ANKRD55: variants seen among roughly 807,000 people sequenced by gnomAD.
The protein encoded by ANKRD55 is ankyrin repeat domain-containing protein 55.
In ANKRD55, 41 loss-of-function variants were observed where a neutral mutation model predicts 60.6. The observed-to-expected ratio is 0.68, with a 90% CI of 0.53 to 0.88. The LOEUF (loss-of-function observed/expected upper bound fraction) is 0.88, where lower values mean the gene tolerates loss of function less well. ANKRD55 is among the 40% of genes least tolerant of loss of function. The probability of loss-of-function intolerance (pLI) is 0.00; values close to 1 mark genes in which losing one functional copy is unlikely to be tolerated. For synonymous variants in ANKRD55, 264 were observed against 290.3 expected (o/e 0.91, Z 0.92); for missense variants, 732 against 767.6 (o/e 0.95, Z 0.55).
chr5:56,176,549 A>T (rs1007052736), intron 3 of ANKRD55, among the ~76,000 whole-genome samples: 4 of 152,210 alleles, frequency 2.6e-5, no homozygotes, highest in African/African-American at 9.6e-5. Flanking sequence ...TGACTGTGTC[A>T]GGGATCAGCA....
chr5:56,158,656 C>T (rs376372097), intron 6 of ANKRD55, among the ~76,000 whole-genome samples: 1 of 152,074 alleles, frequency 6.6e-6, no homozygotes, highest in East Asian at 1.9e-4. Flanking sequence ...GCAGGTAACC[C>T]GGAATTATTA....
intron 5 of ANKRD55, among the ~76,000 whole-genome samples, chr5:56,169,020 C>T (rs1402418976): frequency 1.3e-5 from 2 of 152,198 alleles, no homozygotes; most frequent in East Asian, 3.9e-4. Flanking sequence ...CCACATCTGG[C>T]TAATTTTTGT....
intron 3 of ANKRD55, among the ~76,000 whole-genome samples, chr5:56,178,974 G>A (rs1391094909): frequency 6.7e-6 from 1 of 148,980 alleles, no homozygotes. Flanking sequence ...CATTTTTGGG[G>A]ATAAATGTGG....
Position 56,116,742 on chromosome 5 carries a change from A to C in ANKRD55, c.838T>G (p.Cys280Gly), listed in dbSNP as rs983787813. Residue 280 changes from cysteine (C) to glycine (G), a missense_variant, in exon 9 of 12, where the codon TGT becomes GGT. By Grantham distance (159) the Cys-to-Gly change is radical. This residue lies in a region of ANKRD55 where 597 missense variants were observed against 607.5 expected (regional missense o/e 0.98). Coordinates refer to ENST00000341048, the MANE Select transcript of ANKRD55 (RefSeq NM_024669.3). ...HWAAAAGKAE[C>G]VQSLLELGMD... ...CCCAACTCCAGCAGTGACTGGACAC[A>C]TTCGGCCTTCCCTGCAGCTGCAGCC... The C allele has an allele frequency of 8.1e-6, 13 of 1,613,582 alleles. No homozygotes were observed. Among genetic ancestry groups the C allele is most frequent in the Non-Finnish European group, 1.1e-5 (13 of 1,179,846 alleles).
chr5:56,228,213 C>T (rs901905168), intron 2 of ANKRD55, among the ~76,000 whole-genome samples: 5 of 152,072 alleles, frequency 3.3e-5, no homozygotes, highest in African/African-American at 1.2e-4. Context: ...AGGAGTTTAT[C>T]CTGGATTATC....
intron 8 of ANKRD55, among the ~76,000 whole-genome samples, chr5:56,117,527 C>T (rs1756917460): frequency 6.6e-6 from 1 of 152,128 alleles, no homozygotes; most frequent in Non-Finnish European, 1.5e-5. Context: ...GGTCTTGGCT[C>T]ACTGCAACCT....
At chr5:56,182,269 A>C (rs538685165) in intron 3 of ANKRD55, among the ~76,000 whole-genome samples, 3 of 152,096 alleles carry the variant, frequency 2.0e-5, no homozygotes, top group Non-Finnish European at 4.4e-5. Flanking sequence ...CAATTTCCTA[A>C]TTATAGGGCT....
chr5:56,222,642 G>A lies in ANKRD55; in HGVS notation c.58+10214C>T, dbSNP rs144401877. Among the ~76,000 whole-genome samples, 496 of 152,232 alleles carry A rather than the reference G, an allele frequency of 3.3e-3. 5 individuals are homozygous for A. Among genetic ancestry groups the A allele is most frequent in the Middle Eastern group, 0.027 (8 of 292 alleles). ...ACGAATGGCTAACTGAATAAATAGC[G>A]TAGAGAAGACCTTAAATGACTTGAT... On this transcript the variant is annotated intron_variant, in intron 2 of 11. Transcript: ENST00000341048.
At chr5:56,152,131 T>C (rs1268693701) in intron 6 of ANKRD55, among the ~76,000 whole-genome samples, 2 of 25,502 alleles carry the variant, frequency 7.8e-5, no homozygotes, top group Non-Finnish European at 1.9e-4. Context: ...TTTTTTTTTT[T>C]AGATGTTCGG....
At chr5:56,138,304 T>A (rs1015237600) in intron 7 of ANKRD55, among the ~76,000 whole-genome samples, 1 of 152,038 alleles carries the variant, frequency 6.6e-6, no homozygotes, top group Admixed American at 6.6e-5. Flanking sequence ...ATTTTTGTAT[T>A]TTTAGTAGAG....
intron 2 of ANKRD55, among the ~76,000 whole-genome samples, chr5:56,223,837 CA>C (rs1200895368): frequency 2.6e-5 from 4 of 152,168 alleles, no homozygotes. Flanking sequence ...ATTCATAAAG[CA>C]AGTCCTTAGA....
At chr5:56,112,420 A>G (rs184849310) in intron 9 of ANKRD55, among the ~76,000 whole-genome samples, 1 of 146,944 alleles carries the variant, frequency 6.8e-6, no homozygotes, top group East Asian at 2.1e-4. Flanking sequence ...TAATTCCAGA[A>G]CTTTGGGAGG....
At chr5:56,173,394 C>G (rs1159122886) in intron 4 of ANKRD55, among the ~76,000 whole-genome samples, 1 of 151,164 alleles carries the variant, frequency 6.6e-6, no homozygotes, top group Non-Finnish European at 1.5e-5. Context: ...GACGGGGTTT[C>G]ACCATGTTGC....
chr5:56,192,802 G>T (rs1178977086), intron 2 of ANKRD55: 2 of 889,536 alleles, frequency 2.2e-6, no homozygotes, highest in Admixed American at 2.3e-5. Context: ...ACCTCTATTA[G>T]CAAGTTAAAA....
At chr5:56,183,233 A>G (rs1390420872) in intron 3 of ANKRD55, among the ~76,000 whole-genome samples, 2 of 152,228 alleles carry the variant, frequency 1.3e-5, no homozygotes, top group Non-Finnish European at 2.9e-5. Context: ...TGCCTTTTAC[A>G]GTTACATTTT....
At chr5:56,120,760 G>A (rs905498348) in intron 8 of ANKRD55, among the ~76,000 whole-genome samples, 4 of 152,088 alleles carry the variant, frequency 2.6e-5, no homozygotes, top group Admixed American at 2.0e-4. Context: ...TTAGCTGGGC[G>A]TAGTGGCACA....
intron 7 of ANKRD55, chr5:56,137,475 A>T: frequency 2.5e-6 from 2 of 808,226 alleles, no homozygotes; most frequent in Non-Finnish European, 2.2e-6. Flanking sequence ...GATTGCCCAG[A>T]AGAAAAAGAT....
At chr5:56,140,313 G>T (rs896009380) in intron 7 of ANKRD55, among the ~76,000 whole-genome samples, 1 of 152,186 alleles carries the variant, frequency 6.6e-6, no homozygotes, top group African/African-American at 2.4e-5. Flanking sequence ...AGTATAAATG[G>T]CAGAGTACAC....
intron 7 of ANKRD55, among the ~76,000 whole-genome samples, chr5:56,131,808 A>G (rs1757424664): frequency 6.7e-6 from 1 of 148,800 alleles, no homozygotes; most frequent in African/African-American, 2.5e-5. Context: ...AAAAAAAAAA[A>G]AAAAAAAAAA....
Sources: gnomAD v4.1 joint callset for allele counts (sites outside exome capture counted in the v4.1 genomes callset) on GRCh38, gnomAD v4.1.1 for gene constraint, gnomAD v4.1.1 regional missense constraint, MANE v1.5 for transcripts, NCBI Gene and HGNC (gene_info 2026-07-23, HGNC 2026-07-21) for gene names.